Variants in ANKS1B observed in about 807,000 individuals in gnomAD.
ANKS1B encodes ankyrin repeat and sterile alpha motif domain containing 1B, also known as ankyrin repeat and sterile alpha motif domain-containing protein 1B.
Under a neutral mutation model 148.3 loss-of-function variants are expected in ANKS1B, and 36 were observed. That is an observed-to-expected ratio of 0.24 (90% CI 0.19 to 0.32). The LOEUF (loss-of-function observed/expected upper bound fraction) is 0.32, where lower values mean the gene tolerates loss of function less well. Among genes scored for constraint, ANKS1B ranks in the 10% least tolerant of loss-of-function variants. The pLI is 1.00. For synonymous variants in ANKS1B, 542 were observed against 560.8 expected, an observed-to-expected ratio of 0.97 and a Z score of 0.47; for missense variants, 1,157 against 1,542.6, an observed-to-expected ratio of 0.75 and a Z score of 4.19.
chr12:98,758,151 A>G (rs1172377462), intron 25 of ANKS1B, among the ~76,000 whole-genome samples: 1 of 152,188 alleles, frequency 6.6e-6, no homozygotes, highest in Non-Finnish European at 1.5e-5. Flanking sequence ...GCCATGCACC[A>G]TGCTAAGTGC....
At chr12:99,059,397 T>C (rs1256630803) in intron 16 of ANKS1B, among the ~76,000 whole-genome samples, 1 of 152,228 alleles carries the variant, frequency 6.6e-6, no homozygotes, top group South Asian at 2.1e-4. Context: ...TGGCTTGGTA[T>C]CCATTTGTGG....
chr12:99,707,378 A>C (rs906845186), intron 8 of ANKS1B, among the ~76,000 whole-genome samples: 2 of 152,148 alleles, frequency 1.3e-5, no homozygotes, highest in Non-Finnish European at 2.9e-5. Flanking sequence ...TACTATCTTT[A>C]GCAGTGCCAA....
At chr12:99,822,404 C>T (rs1039801803) in intron 2 of ANKS1B, among the ~76,000 whole-genome samples, 7 of 152,132 alleles carry the variant, frequency 4.6e-5, no homozygotes, top group Non-Finnish European at 8.8e-5. Context: ...TATCCCATCA[C>T]CTTGATACTG....
intron 14 of ANKS1B, among the ~76,000 whole-genome samples, chr12:99,235,886 T>C (rs7308377): frequency 0.063 from 9,534 of 152,234 alleles, 1,010 homozygotes; most frequent in African/African-American, 0.22. Context: ...CACTTAGACC[T>C]GCATATTCTT....
chr12:99,598,735 G>A (rs1015202033), intron 9 of ANKS1B, among the ~76,000 whole-genome samples: 2 of 151,968 alleles, frequency 1.3e-5, no homozygotes, highest in Non-Finnish European at 2.9e-5. Context: ...TCCAGATTGG[G>A]GGCAAAAATA....
At chr12:98,781,369 T>G (rs2098734424) in intron 23 of ANKS1B, 166 bp from the exon 24 acceptor site, 1 of 677,574 alleles carries the variant, frequency 1.5e-6, no homozygotes, top group Admixed American at 2.0e-5. Flanking sequence ...CACACTCTAA[T>G]TTTAATGTCT....
intron 17 of ANKS1B, among the ~76,000 whole-genome samples, chr12:98,858,981 G>A (rs1372873384): frequency 1.3e-5 from 2 of 152,174 alleles, no homozygotes; most frequent in Non-Finnish European, 2.9e-5. Flanking sequence ...TAGGGTTGTT[G>A]TGTCTTTCTA....
At chr12:99,811,363 T>C (rs1043501028) in intron 3 of ANKS1B, among the ~76,000 whole-genome samples, 1 of 151,780 alleles carries the variant, frequency 6.6e-6, no homozygotes, top group African/African-American at 2.4e-5. Context: ...GTGATTGTAA[T>C]TCAATTGTTG....
At chr12:99,418,432 A>G (rs2094973524) in intron 11 of ANKS1B, among the ~76,000 whole-genome samples, 1 of 152,150 alleles carries the variant, frequency 6.6e-6, no homozygotes, top group Non-Finnish European at 1.5e-5. Flanking sequence ...ATATATGTTC[A>G]TAACTAGTTC....
chr12:99,949,952 C>T (rs1239348127), intron 1 of ANKS1B, among the ~76,000 whole-genome samples: 1 of 151,730 alleles, frequency 6.6e-6, no homozygotes, highest in Non-Finnish European at 1.5e-5. Flanking sequence ...CTCCACAAGC[C>T]ACTCTTATTT....
At chr12:99,273,650 C>G (rs1211211374) in intron 12 of ANKS1B, among the ~76,000 whole-genome samples, 1 of 142,166 alleles carries the variant, frequency 7.0e-6, no homozygotes, top group African/African-American at 2.8e-5. Context: ...AATCTCGGCT[C>G]ACTGGAACCT....
intron 12 of ANKS1B, among the ~76,000 whole-genome samples, chr12:99,378,130 C>T (rs1201766314): frequency 6.6e-6 from 1 of 152,174 alleles, no homozygotes; most frequent in Admixed American, 6.5e-5. Flanking sequence ...CCACAAAAGG[C>T]TCTCTGAGGA....
chr12:99,526,985 A>G (rs976195906), intron 9 of ANKS1B, among the ~76,000 whole-genome samples: 1 of 152,236 alleles, frequency 6.6e-6, no homozygotes, highest in African/African-American at 2.4e-5. Context: ...CATCATATGA[A>G]GATTGGAGTT....
intron 9 of ANKS1B, among the ~76,000 whole-genome samples, chr12:99,533,536 C>G (rs745399834): frequency 6.6e-6 from 1 of 152,124 alleles, no homozygotes; most frequent in Admixed American, 6.5e-5. Flanking sequence ...CTTTCTCTTG[C>G]CTGATTGCTC....
Position 99,883,320 on chromosome 12 carries a change from T to G in ANKS1B, c.135-57931A>C, listed in dbSNP as rs148359796. ...TTTCCATAAGAGGTGTTGGAACAAA[T>G]GGACGTTTCGAAGCAAAAAAACAAA... On this transcript the variant is annotated intron_variant, in intron 1 of 26. Coordinates refer to ENST00000683438, the MANE Select transcript of ANKS1B (RefSeq NM_001352186.2). Among the ~76,000 whole-genome samples, 11 of 150,714 alleles carry G rather than the reference T, an allele frequency of 7.3e-5. No homozygotes were observed. The East Asian group carries it at 2.1e-3, about 29-fold the overall frequency.
At chr12:99,640,265 G>A (rs755882399) in intron 9 of ANKS1B, among the ~76,000 whole-genome samples, 5 of 152,096 alleles carry the variant, frequency 3.3e-5, no homozygotes, top group Admixed American at 6.6e-5. Context: ...TCAGCTGTCC[G>A]TACTTCATCC....
chr12:99,683,974 C>T (rs942910997), intron 8 of ANKS1B, among the ~76,000 whole-genome samples: 1 of 151,984 alleles, frequency 6.6e-6, no homozygotes, highest in African/African-American at 2.4e-5. Flanking sequence ...GTAATAAAAT[C>T]CATCTAAGAC....
chr12:99,290,996 C>A (rs1469069856), intron 12 of ANKS1B, among the ~76,000 whole-genome samples: 3 of 152,050 alleles, frequency 2.0e-5, no homozygotes, highest in Non-Finnish European at 4.4e-5. Flanking sequence ...TCCTTGTTTA[C>A]AGATGATAAA....
At chr12:99,213,004 T>C (rs1000767032) in intron 14 of ANKS1B, among the ~76,000 whole-genome samples, 1 of 152,208 alleles carries the variant, frequency 6.6e-6, no homozygotes, top group African/African-American at 2.4e-5. Context: ...GATTCACACC[T>C]AGGTCAGTCT....
Sources: allele counts gnomAD v4.1 joint callset (sites outside exome capture counted in the v4.1 genomes callset), GRCh38; gene constraint gnomAD v4.1.1; transcripts MANE v1.5; gene names NCBI Gene and HGNC (gene_info 2026-07-23, HGNC 2026-07-21).